The following PRELID2 variants were observed in gnomAD, a reference collection of about 807,000 sequenced individuals.
PRELID2 encodes PRELI domain containing 2, also known as PRELI domain-containing protein 2.
PRELID2 carries 25 observed loss-of-function variants against 28.4 expected under a neutral mutation model. That is an observed-to-expected ratio of 0.88 (90% CI 0.64 to 1.23). The LOEUF is 1.23. Among genes scored for constraint, PRELID2 ranks in the 50% most tolerant of loss-of-function variants. The pLI, the probability that PRELID2 is intolerant of heterozygous loss-of-function variation, is 0.00. For synonymous variants in PRELID2, 76 were observed against 71.6 expected (o/e 1.06, Z -0.31); for missense variants, 201 against 214.4 (o/e 0.94, Z 0.39).
intron 1 of PRELID2, among the ~76,000 whole-genome samples, chr5:145,491,108 T>C (rs184989065): frequency 8.8e-4 from 134 of 152,250 alleles, no homozygotes; most frequent in Admixed American, 1.3e-3. Flanking sequence ...AATGAATCTA[T>C]AACCAAAAAG....
the PRELID2 span, among the ~76,000 whole-genome samples, chr5:145,255,291 A>C: frequency 2.6e-5 from 4 of 152,142 alleles, no homozygotes; most frequent in South Asian, 6.2e-4. Context: ...ACTGTGATGA[A>C]TGTGTTAACA....
intron 1 of PRELID2, among the ~76,000 whole-genome samples, chr5:145,630,703 A>G (rs904741723): frequency 5.3e-5 from 8 of 152,208 alleles, no homozygotes; most frequent in African/African-American, 1.9e-4. Context: ...AACTACCATG[A>G]GACCATGGGG....
chr5:145,516,135 G>T (rs189944762), intron 1 of PRELID2, among the ~76,000 whole-genome samples: 2 of 152,156 alleles, frequency 1.3e-5, no homozygotes, highest in Non-Finnish European at 2.9e-5. Flanking sequence ...TGGAAGTTCT[G>T]TCCAGGGCAA....
chr5:145,329,151 C>A, the PRELID2 span, among the ~76,000 whole-genome samples: 1 of 152,106 alleles, frequency 6.6e-6, no homozygotes, highest in Admixed American at 6.5e-5. Context: ...GTTTTGTTAC[C>A]AATACCATGG....
the PRELID2 span, among the ~76,000 whole-genome samples, chr5:145,346,311 G>A: frequency 6.6e-6 from 1 of 152,108 alleles, no homozygotes; most frequent in South Asian, 2.1e-4. Context: ...TCAGCATTTG[G>A]TGATCTTAAT....
intron 1 of PRELID2, among the ~76,000 whole-genome samples, chr5:145,618,270 T>TA (rs774111953): frequency 1.3e-5 from 2 of 152,336 alleles, no homozygotes; most frequent in Non-Finnish European, 1.5e-5. Flanking sequence ...TTTGTCATGT[T>TA]ACCTGAGTTG....
At chr5:145,229,983 G>A in the PRELID2 span, 88 of 737,880 alleles carry the variant, frequency 1.2e-4, no homozygotes, top group African/African-American at 7.9e-4. Flanking sequence ...TGATGACACC[G>A]GGTTCATCAA....
rs1005798197 is a variant in PRELID2 at position 145,756,476 on chromosome 5, T to G, written c.*4060A>C. Among the ~76,000 whole-genome samples the G allele has an allele frequency of 6.6e-6, 1 of 152,220 alleles. No individual in the cohort carries two copies. The highest frequency in any genetic ancestry group is 2.4e-5 in the African/African-American group (1 of 41,470). On this transcript the variant is annotated 3_prime_UTR_variant, in exon 7 of 7. Transcript: ENST00000683046. ...CCCACATAAAAATTTGGCCTGATCA[T>G]TTTTTGAGTTTTAATCCTCTTAAGT...
chr5:145,586,765 T>A (rs115101330), intron 1 of PRELID2, among the ~76,000 whole-genome samples: 1,718 of 152,194 alleles, frequency 0.011, 39 homozygotes, highest in African/African-American at 0.039. Flanking sequence ...AAATCCAACC[T>A]CCTAATAGTA....
the PRELID2 span, among the ~76,000 whole-genome samples, chr5:145,442,845 T>G: frequency 6.6e-6 from 1 of 151,932 alleles, no homozygotes; most frequent in Non-Finnish European, 1.5e-5. Context: ...CAAAAGCTGG[T>G]TACAAGCAAT....
intron 1 of PRELID2, among the ~76,000 whole-genome samples, chr5:145,553,727 G>T (rs909243385): frequency 2.6e-5 from 4 of 152,186 alleles, no homozygotes; most frequent in Non-Finnish European, 5.9e-5. Context: ...ATCAGATAAT[G>T]TATGCACCAG....
chr5:145,340,407 C>T, the PRELID2 span, among the ~76,000 whole-genome samples: 3 of 152,134 alleles, frequency 2.0e-5, no homozygotes, highest in African/African-American at 7.2e-5. Context: ...GGCTGAAGAA[C>T]ATGTCCACAT....
At chr5:145,424,334 C>A in the PRELID2 span, among the ~76,000 whole-genome samples, 1 of 152,230 alleles carries the variant, frequency 6.6e-6, no homozygotes, top group African/African-American at 2.4e-5. Context: ...CCTCCCCCAG[C>A]CTTGCTGCCA....
At chr5:145,237,073 C>T in the PRELID2 span, among the ~76,000 whole-genome samples, 1 of 152,114 alleles carries the variant, frequency 6.6e-6, no homozygotes. Flanking sequence ...CTTGTTTCTG[C>T]CAACCCTCTT....
the PRELID2 span, among the ~76,000 whole-genome samples, chr5:145,392,756 A>G: frequency 6.6e-6 from 1 of 152,200 alleles, no homozygotes; most frequent in Non-Finnish European, 1.5e-5. Flanking sequence ...GAAGGAGTCT[A>G]CATGCTCTCT....
the PRELID2 span, among the ~76,000 whole-genome samples, chr5:145,301,850 A>G: frequency 1.3e-5 from 2 of 152,044 alleles, no homozygotes; most frequent in Non-Finnish European, 2.9e-5. Context: ...CCTTACATCA[A>G]AACCATATAG....
intron 1 of PRELID2, among the ~76,000 whole-genome samples, chr5:145,551,170 A>AG (rs933557283): frequency 3.3e-5 from 5 of 152,046 alleles, no homozygotes; most frequent in Admixed American, 6.6e-5. Flanking sequence ...TGGGAGGCCG[A>AG]GGGGGGCAGA....
chr5:145,354,930 C>G, the PRELID2 span, among the ~76,000 whole-genome samples: 1 of 151,898 alleles, frequency 6.6e-6, no homozygotes, highest in African/African-American at 2.4e-5. Context: ...TTTATTTGTT[C>G]TTAAACATGA....
chr5:145,246,225 G>A, the PRELID2 span, among the ~76,000 whole-genome samples: 2 of 152,060 alleles, frequency 1.3e-5, no homozygotes, highest in African/African-American at 4.8e-5. Context: ...CAAAAAAGAT[G>A]TAATAGAGAG....
Sources: gnomAD v4.1 joint callset for allele counts (sites outside exome capture counted in the v4.1 genomes callset) on GRCh38, gnomAD v4.1.1 for gene constraint, MANE v1.5 for transcripts, NCBI Gene and HGNC (gene_info 2026-07-23, HGNC 2026-07-21) for gene names.